The following FLT3 variants were observed in gnomAD, a reference collection of about 807,000 sequenced individuals.
FLT3 encodes the protein fms related receptor tyrosine kinase 3, also known as receptor-type tyrosine-protein kinase FLT3.
FLT3 carries 46 observed loss-of-function variants against 126.6 expected under a neutral mutation model. The ratio of observed to expected loss-of-function variants is 0.36; its 90% confidence interval spans 0.29 to 0.46. The LOEUF (loss-of-function observed/expected upper bound fraction) is 0.46, where lower values mean the gene tolerates loss of function less well. Among genes scored for constraint, FLT3 ranks in the 20% least tolerant of loss-of-function variants. The probability of loss-of-function intolerance (pLI) is 1.00; values close to 1 mark genes in which losing one functional copy is unlikely to be tolerated. For missense variants in FLT3, 1,069 were observed against 1,190.3 expected, an observed-to-expected ratio of 0.90 and a Z score of 1.50; for synonymous variants, 404 against 434.4, an observed-to-expected ratio of 0.93 and a Z score of 0.87.
chr13:28,013,502 A>G (rs1217672323), intron 23 of FLT3, among the ~76,000 whole-genome samples: 2 of 152,250 alleles, frequency 1.3e-5, no homozygotes, highest in Non-Finnish European at 2.9e-5. Flanking sequence ...CCTCAGTATT[A>G]GGAGCCCAAG....
chr13:28,094,935 TA>T (rs1363661102), intron 1 of FLT3, among the ~76,000 whole-genome samples: 4 of 152,160 alleles, frequency 2.6e-5, no homozygotes, highest in African/African-American at 9.7e-5. Flanking sequence ...AATGCAGCCA[TA>T]GAAAGTATCA....
intron 16 of FLT3, 56 bp downstream of exon 16, chr13:28,028,122 C>T: frequency 1.2e-6 from 1 of 846,418 alleles, no homozygotes; most frequent in Non-Finnish European, 2.1e-6. Flanking sequence ...CAAACATCCT[C>T]TTTGTCATCA....
chr13:28,009,752 G>GGGTTTTACCATGTTGCCCAGACT (rs1871206498), intron 23 of FLT3, among the ~76,000 whole-genome samples: 2 of 152,060 alleles, frequency 1.3e-5, no homozygotes. Context: ...TGTAGAGATA[G>GGGTTTTACCATGTTGCCCAGACT]GGTTTTACCA....
In FLT3 at chr13:28,050,336, A is replaced by G. The variant is rs888668040; in HGVS notation, c.615-114T>C. 2.0e-4 allele frequency: 189 copies of G among 958,182 alleles called. 1 individual carries two copies. Among genetic ancestry groups the G allele is most frequent in the Non-Finnish European group, 2.6e-4 (169 of 641,098 alleles). 59.4% of individuals were successfully genotyped at this position (958,182 alleles called of 1,614,324 possible). ...TTTTAAGGGTCAAATGGTAAACAAA[A>G]GGTCAAAAGGTAAACAAGCCCATAT... On this transcript the variant is annotated intron_variant, in intron 5 of 23. Transcript: ENST00000241453.
chr13:28,073,991 G>A (rs1000016858), intron 1 of FLT3, among the ~76,000 whole-genome samples: 17 of 147,930 alleles, frequency 1.1e-4, no homozygotes, highest in Admixed American at 8.8e-4. Context: ...TTTTTTAAAA[G>A]ATAGTAAAGT....
rs368860200 is a variant in FLT3 at position 28,011,791 on chromosome 13, C to T, written c.2859+2661G>A. 9.4e-3 allele frequency among the ~76,000 whole-genome samples: 1,224 copies of T among 129,864 alleles called. 13 individuals carry two copies. Among genetic ancestry groups the T allele is most frequent in the African/African-American group, 0.03 (1,059 of 34,746 alleles). 85.2% of individuals were successfully genotyped at this position (129,864 alleles called of 152,430 possible). On this transcript the variant is annotated intron_variant, in intron 23 of 23. Coordinates refer to ENST00000241453, the MANE Select transcript of FLT3 (RefSeq NM_004119.3). ...TCCTTCCTTCTTTCTCTCTTTCTTTCTCTTTTTCTTTCTTTTTCTTTTTTG... is the reference window on the plus strand; with the variant it reads ...TCCTTCCTTCTTTCTCTCTTTCTTTTTCTTTTTCTTTCTTTTTCTTTTTTG...
chr13:28,032,536 G>T (rs889649414), intron 15 of FLT3, among the ~76,000 whole-genome samples: 5 of 152,210 alleles, frequency 3.3e-5, no homozygotes, highest in Non-Finnish European at 7.3e-5. Context: ...CTTGAGCCTG[G>T]GAAGTGGAGG....
At chr13:28,046,913 T>C (rs1425401536) in intron 9 of FLT3, among the ~76,000 whole-genome samples, 5 of 152,060 alleles carry the variant, frequency 3.3e-5, no homozygotes, top group Admixed American at 3.3e-4. Context: ...AAATTATTAA[T>C]AATATATTTT....
rs1326766632 is a variant in FLT3, at chr13:28,035,629, T to C, written c.1463A>G (p.Asn488Ser). Reference sequence around the variant, plus strand: ...CACCCACTGTCCAAACACTTTTCTGTTAGCCTTTCTATTCCAGACTCCTTC... The same window carrying C: ...CACCCACTGTCCAAACACTTTTCTGCTAGCCTTTCTATTCCAGACTCCTTC... ...ITEGVWNRKA[N>S]RKVFGQWVSS... Residue 488 changes from asparagine (N) to serine (S), a missense_variant, in exon 12 of 24, where the codon AAC becomes AGC. Coordinates refer to ENST00000241453, the MANE Select transcript of FLT3 (RefSeq NM_004119.3). The C allele has an allele frequency of 6.2e-7, 1 of 1,614,160 alleles. No individual in the cohort carries two copies. Among genetic ancestry groups the C allele is most frequent in the Non-Finnish European group, 8.5e-7 (1 of 1,180,016 alleles).
At chr13:28,012,765 T>C (rs1871507475) in intron 23 of FLT3, among the ~76,000 whole-genome samples, 1 of 151,920 alleles carries the variant, frequency 6.6e-6, no homozygotes, top group African/African-American at 2.4e-5. Flanking sequence ...TGAGAGCCCG[T>C]GTCTACCAAA....
At chr13:28,018,351 G>T (rs536943316) in intron 20 of FLT3, 116 bp downstream of exon 20, 2 of 1,171,828 alleles carry the variant, frequency 1.7e-6, no homozygotes, top group East Asian at 4.9e-5. Flanking sequence ...CTGCTGTGAG[G>T]GTTTTTTGAT....
intron 1 of FLT3, among the ~76,000 whole-genome samples, chr13:28,099,944 G>C (rs754618251): frequency 4.6e-5 from 7 of 152,164 alleles, no homozygotes; most frequent in Non-Finnish European, 7.4e-5. Flanking sequence ...TCGTTATTGA[G>C]GATGACTCGC....
chr13:28,088,871 G>T (rs530667947), intron 1 of FLT3, among the ~76,000 whole-genome samples: 40 of 105,650 alleles, frequency 3.8e-4, no homozygotes, highest in South Asian at 2.1e-3. Flanking sequence ...AGCGTGAGCT[G>T]CCCACCCAGC....
intron 15 of FLT3, among the ~76,000 whole-genome samples, chr13:28,032,360 C>T (rs1593238234): frequency 6.6e-6 from 1 of 152,172 alleles, no homozygotes; most frequent in Non-Finnish European, 1.5e-5. Context: ...GGAGCGAAAA[C>T]GCAAGGCGGT....
At chr13:28,037,626 A>G (rs1873958675) in intron 9 of FLT3, among the ~76,000 whole-genome samples, 1 of 152,186 alleles carries the variant, frequency 6.6e-6, no homozygotes, top group Admixed American at 6.5e-5. Flanking sequence ...TCTCAGTGAG[A>G]CCAGGAAGTT....
chr13:28,049,570 T>C (rs1162486815), intron 7 of FLT3, 33 bp from the exon 8 acceptor site: 5 of 1,612,746 alleles, frequency 3.1e-6, no homozygotes, highest in African/African-American at 1.3e-5. Context: ...TTGCATTTAA[T>C]GTTTTCAATC....
rs914965303 is a variant in FLT3, at chr13:28,100,050, G to A, written c.43+418C>T. On this transcript the variant is annotated intron_variant, in intron 1 of 23. Coordinates refer to ENST00000241453, the MANE Select transcript of FLT3 (RefSeq NM_004119.3). The surrounding 1 kb of genome is among the most constrained non-coding windows in gnomAD (Gnocchi z 4.8). ...TAAAGACGACACCCAGGTGTCTACAGTATCCAAGGGCCGGGCCAGGAGAGG... is the reference window on the plus strand; with the variant it reads ...TAAAGACGACACCCAGGTGTCTACAATATCCAAGGGCCGGGCCAGGAGAGG... 6.6e-6 allele frequency among the ~76,000 whole-genome samples: 1 copy of A among 152,258 alleles called. No homozygotes were observed. The highest frequency in any genetic ancestry group is 1.5e-5 in the Non-Finnish European group (1 of 68,012).
intron 2 of FLT3, among the ~76,000 whole-genome samples, chr13:28,063,370 C>T (rs1451235643): frequency 1.3e-5 from 2 of 152,116 alleles, no homozygotes; most frequent in South Asian, 2.1e-4. Flanking sequence ...ATCCCAGCTA[C>T]TCAGGAGGCT....
At chr13:28,046,620 C>T (rs1235167509) in intron 9 of FLT3, among the ~76,000 whole-genome samples, 1 of 151,834 alleles carries the variant, frequency 6.6e-6, no homozygotes, top group African/African-American at 2.4e-5. Context: ...CTTTTTGAGG[C>T]AGGTTCTTGC....
Sources: gnomAD v4.1 joint callset for allele counts (sites outside exome capture counted in the v4.1 genomes callset) on GRCh38, gnomAD v4.1.1 for gene constraint, Gnocchi (gnomAD v3.1) non-coding constraint, MANE v1.5 for transcripts, NCBI Gene and HGNC (gene_info 2026-07-23, HGNC 2026-07-21) for gene names.